Variants in ABCD3 observed in about 807,000 individuals in gnomAD.
ABCD3 encodes the protein ATP binding cassette subfamily D member 3.
A neutral mutation model predicts 105.5 loss-of-function variants in ABCD3; 41 were observed. The ratio of observed to expected loss-of-function variants is 0.39; its 90% CI spans 0.30 to 0.50. The LOEUF (loss-of-function observed/expected upper bound fraction) is 0.50, where lower values mean the gene tolerates loss of function less well. ABCD3 is among the 20% of genes least tolerant of loss of function. The pLI, the probability that ABCD3 is intolerant of heterozygous loss-of-function variation, is 0.84. For missense variants in ABCD3, 622 were observed against 806.3 expected, an observed-to-expected ratio of 0.77 and a Z score of 2.77; for synonymous variants, 258 against 269.0, an observed-to-expected ratio of 0.96 and a Z score of 0.40.
rs576359645 is a variant in ABCD3, at chr1:94,448,939, C to G, written c.111-9668C>G. Among the ~76,000 whole-genome samples, 18 of 152,250 alleles carry G rather than the reference C, an allele frequency of 1.2e-4. No homozygotes were observed. In the South Asian group the frequency reaches 3.5e-3, roughly 30 times the overall value. ...ATGCAATTGAATCTAGCATTATTAA[C>G]TTTAAATTTTTTTTAGCATGCCTAA... On this transcript the variant is annotated intron_variant, in intron 1 of 22. Coordinates refer to ENST00000370214, the MANE Select transcript of ABCD3 (RefSeq NM_002858.4).
chr1:94,440,913 A>G (rs1241568053), intron 1 of ABCD3, among the ~76,000 whole-genome samples: 1 of 152,162 alleles, frequency 6.6e-6, no homozygotes, highest in Non-Finnish European at 1.5e-5. Context: ...AGAATTTTTA[A>G]TAAATGCCAG....
intron 4 of ABCD3, among the ~76,000 whole-genome samples, chr1:94,472,807 T>C (rs1382399308): frequency 6.6e-6 from 1 of 152,178 alleles, no homozygotes; most frequent in East Asian, 1.9e-4. Flanking sequence ...AGTCCAGTGT[T>C]TAAATGTTTT....
At chr1:94,457,212 C>T (rs937751386) in intron 1 of ABCD3, among the ~76,000 whole-genome samples, 1 of 151,960 alleles carries the variant, frequency 6.6e-6, no homozygotes, top group South Asian at 2.1e-4. Context: ...ATTGTTTTGT[C>T]GTGCTAAAAT....
intron 2 of ABCD3, among the ~76,000 whole-genome samples, chr1:94,460,002 A>C (rs570125857): frequency 3.9e-4 from 60 of 152,294 alleles, no homozygotes; most frequent in African/African-American, 1.3e-3. Flanking sequence ...TTATCAGTTC[A>C]TCAGTTGGTG....
intron 2 of ABCD3, among the ~76,000 whole-genome samples, chr1:94,460,697 A>G (rs535547485): frequency 1.1e-3 from 160 of 152,028 alleles, no homozygotes; most frequent in Non-Finnish European, 1.0e-3. Flanking sequence ...GTCTTCCCCA[A>G]CCCTCCATGT....
chr1:94,444,108 C>A (rs1570752066), intron 1 of ABCD3, among the ~76,000 whole-genome samples: 1 of 151,838 alleles, frequency 6.6e-6, no homozygotes, highest in African/African-American at 2.4e-5. Context: ...TTGAGGCAGG[C>A]AGACCATGAG....
At chr1:94,418,337 G>A (rs1234967888), upstream of ABCD3, 2 of 559,044 alleles carry the variant, frequency 3.6e-6, no homozygotes, top group African/African-American at 2.0e-5. Context: ...GCGGCGCGGC[G>A]GCGCGAGCCA....
chr1:94,437,095 CTA>C (rs1659934932), intron 1 of ABCD3, among the ~76,000 whole-genome samples: 1 of 152,266 alleles, frequency 6.6e-6, no homozygotes, highest in African/African-American at 2.4e-5. Flanking sequence ...GCAGCCATCT[CTA>C]TAATATGAAA....
the ABCD3 span, among the ~76,000 whole-genome samples, chr1:94,389,386 G>C: frequency 2.6e-3 from 389 of 152,286 alleles, 1 homozygote; most frequent in Non-Finnish European, 4.4e-3. Flanking sequence ...TGGAATGAGG[G>C]CAAGGAACAC....
At chr1:94,416,461 T>C (rs761809847), upstream of ABCD3, among the ~76,000 whole-genome samples, 3 of 152,190 alleles carry the variant, frequency 2.0e-5, no homozygotes, top group African/African-American at 4.8e-5. Flanking sequence ...GAATATGATC[T>C]CCATGATCTG....
chr1:94,482,222 G>T (rs1299727143), intron 9 of ABCD3: 1 of 152,194 alleles, frequency 6.6e-6, no homozygotes, highest in East Asian at 1.9e-4. Flanking sequence ...CGTGACAAAT[G>T]TGTCATATCT....
intron 1 of ABCD3, among the ~76,000 whole-genome samples, chr1:94,439,367 C>T (rs61772849): frequency 1.7e-4 from 26 of 151,916 alleles, no homozygotes; most frequent in Non-Finnish European, 3.1e-4. Flanking sequence ...CTAGGCTGGG[C>T]GCAGTGGCTC....
chr1:94,407,903 G>C, the ABCD3 span, among the ~76,000 whole-genome samples: 1 of 152,188 alleles, frequency 6.6e-6, no homozygotes, highest in South Asian at 2.1e-4. Flanking sequence ...GAATTTCAGA[G>C]TCCATAAATA....
At chr1:94,466,860 C>A (rs557212665) in intron 3 of ABCD3, among the ~76,000 whole-genome samples, 17 of 152,126 alleles carry the variant, frequency 1.1e-4, no homozygotes, top group Admixed American at 7.2e-4. Flanking sequence ...GTAGAAGGGG[C>A]TAATTTGGCC....
the ABCD3 span, among the ~76,000 whole-genome samples, chr1:94,396,618 C>CGT: frequency 6.6e-6 from 1 of 151,954 alleles, no homozygotes; most frequent in African/African-American, 2.4e-5. Flanking sequence ...TGTGCGCGCG[C>CGT]GCACGTGCGT....
rs1190466457 is a variant in ABCD3, at chr1:94,424,420, T to TTTTA, written c.110+5848_110+5851dup. ...GACCTTCTATTGCCATTCGATTTAT[T>TTTTA]TTTATTTATTTATTTATTTTGAGAC... On this transcript the variant is annotated intron_variant, in intron 1 of 22. Coordinates refer to ENST00000370214, the MANE Select transcript of ABCD3 (RefSeq NM_002858.4). 2.6e-3 allele frequency among the ~76,000 whole-genome samples: 389 copies of TTTTA among 152,228 alleles called. 4 individuals carry two copies. Among genetic ancestry groups the TTTTA allele is most frequent in the African/African-American group, 9.1e-3 (377 of 41,540 alleles).
chr1:94,394,253 C>A, the ABCD3 span, among the ~76,000 whole-genome samples: 3 of 152,096 alleles, frequency 2.0e-5, no homozygotes, highest in Non-Finnish European at 4.4e-5. Context: ...TGTAATGGAC[C>A]AGTATGATAA....
intron 1 of ABCD3, among the ~76,000 whole-genome samples, chr1:94,423,084 A>G (rs1437231944): frequency 6.6e-6 from 1 of 152,124 alleles, no homozygotes; most frequent in African/African-American, 2.4e-5. Flanking sequence ...TGAACAGGCC[A>G]CACTCATTTT....
chr1:94,511,582 A>T (rs1473988901), intron 21 of ABCD3, among the ~76,000 whole-genome samples: 1 of 152,064 alleles, frequency 6.6e-6, no homozygotes, highest in Non-Finnish European at 1.5e-5. Flanking sequence ...TATCCTGCAG[A>T]GTGTTTTCCA....
Sources: gnomAD v4.1 joint callset for allele counts (sites outside exome capture counted in the v4.1 genomes callset) on GRCh38, gnomAD v4.1.1 for gene constraint, MANE v1.5 for transcripts, NCBI Gene and HGNC (gene_info 2026-07-23, HGNC 2026-07-21) for gene names.